Variants in STK39 observed in about 807,000 individuals in gnomAD.
STK39 encodes STE20/SPS1-related proline-alanine-rich protein kinase.
STK39 carries 20 observed loss-of-function variants against 77.8 expected under a neutral mutation model. The ratio of observed to expected loss-of-function variants is 0.26; its 90% confidence interval spans 0.18 to 0.37. STK39 has a LOEUF of 0.37. Ranked by LOEUF, STK39 falls within the 10% of genes least tolerant of loss-of-function variation. The pLI is 1.00. For synonymous variants in STK39, 246 were observed against 234.1 expected (o/e 1.05, Z -0.47); for missense variants, 479 against 656.5 (o/e 0.73, Z 2.95).
chr2:168,190,996 T>C (rs4667570), intron 1 of STK39, among the ~76,000 whole-genome samples: 66,842 of 152,052 alleles, frequency 0.44, 16,959 homozygotes, highest in East Asian at 0.77. Flanking sequence ...GGCCAAAAGG[T>C]ACAAGTGTCC....
At chr2:168,040,243 T>A (rs115863507) in intron 14 of STK39, among the ~76,000 whole-genome samples, 2 of 151,906 alleles carry the variant, frequency 1.3e-5, no homozygotes, top group Non-Finnish European at 2.9e-5. Context: ...TGGACAGATA[T>A]AGAAAAAATA....
At chr2:168,213,579 G>A (rs181995081) in intron 1 of STK39, among the ~76,000 whole-genome samples, 191 of 151,832 alleles carry the variant, frequency 1.3e-3, no homozygotes, top group African/African-American at 4.5e-3. Context: ...CCAGCTACTC[G>A]GGAGGCTGAG....
At chr2:167,988,563 A>G (rs1683617893) in intron 16 of STK39, among the ~76,000 whole-genome samples, 1 of 151,920 alleles carries the variant, frequency 6.6e-6, no homozygotes, top group Non-Finnish European at 1.5e-5. Flanking sequence ...TTTGAGGATT[A>G]TTTTGTTGTG....
chr2:168,045,915 A>G (rs561958395), intron 14 of STK39, among the ~76,000 whole-genome samples: 2 of 152,270 alleles, frequency 1.3e-5, no homozygotes, highest in Admixed American at 6.5e-5. Flanking sequence ...GAGGCTCCCC[A>G]CTACCAATAC....
At chr2:168,022,655 T>C (rs1484080262) in intron 14 of STK39, among the ~76,000 whole-genome samples, 2 of 152,226 alleles carry the variant, frequency 1.3e-5, no homozygotes, top group Admixed American at 6.5e-5. Flanking sequence ...ATTCAGTCTA[T>C]TACCATTCAT....
intron 6 of STK39, 95 bp downstream of exon 6, chr2:168,140,554 T>C (rs1687954231): frequency 8.3e-7 from 1 of 1,199,162 alleles, no homozygotes; most frequent in Non-Finnish European, 1.2e-6. Context: ...TTATGCATTC[T>C]ACTAAAATGC....
chr2:168,126,128 C>A (rs79056885), intron 10 of STK39, among the ~76,000 whole-genome samples: 1 of 152,264 alleles, frequency 6.6e-6, no homozygotes, highest in African/African-American at 2.4e-5. Flanking sequence ...AAGAGCCCTG[C>A]CCACAGGCCC....
At position 168,091,348 on chromosome 2, in the gene STK39, C is replaced by T. The variant is rs113883273; in HGVS notation, c.1090-16117G>A. 2.8e-3 allele frequency among the ~76,000 whole-genome samples: 421 copies of T among 152,328 alleles called. 1 individual carries two copies. The highest frequency in any genetic ancestry group is 9.3e-3 in the African/African-American group (388 of 41,552). ...TACTCCATCTCCACAGCTCACTCCACCCAAGTTATCTTCTCATGTCTCTCT... is the reference window on the plus strand; with the variant it reads ...TACTCCATCTCCACAGCTCACTCCATCCAAGTTATCTTCTCATGTCTCTCT... On this transcript the variant is annotated intron_variant, in intron 10 of 17. Transcript: ENST00000355999.
At chr2:168,225,702 A>G (rs994492494) in intron 1 of STK39, among the ~76,000 whole-genome samples, 3 of 152,232 alleles carry the variant, frequency 2.0e-5, no homozygotes, top group Non-Finnish European at 4.4e-5. Flanking sequence ...CAAAGAAAGT[A>G]CATTAGATCA....
intron 16 of STK39, among the ~76,000 whole-genome samples, chr2:167,989,422 A>T (rs2105279958): frequency 6.6e-6 from 1 of 152,272 alleles, no homozygotes. Context: ...TTCTCCAAAG[A>T]ACCAGTTGTA....
rs185803993 is a variant in STK39, at chr2:168,199,793, G to A, written c.209-17703C>T. ...CTCCCAAAGTGCTGGGATTACAGGC[G>A]TGAGCCACCGTGCCTGGCCATATTT... On this transcript the variant is annotated intron_variant, in intron 1 of 17. Transcript: ENST00000355999. Among the ~76,000 whole-genome samples the A allele has an allele frequency of 1.9e-3, 291 of 151,738 alleles. 2 individuals carry two copies. The highest frequency in any genetic ancestry group is 6.6e-3 in the African/African-American group (272 of 41,268).
intron 14 of STK39, among the ~76,000 whole-genome samples, chr2:168,028,233 G>A (rs1684750118): frequency 6.6e-6 from 1 of 152,066 alleles, no homozygotes; most frequent in Non-Finnish European, 1.5e-5. Context: ...GAATACACAT[G>A]TGCCTACCAT....
intron 14 of STK39, among the ~76,000 whole-genome samples, chr2:168,055,076 T>C (rs531324233): frequency 6.6e-6 from 1 of 152,296 alleles, no homozygotes; most frequent in African/African-American, 2.4e-5. Flanking sequence ...AGTAGTTTGC[T>C]GTGGAGGGAA....
intron 14 of STK39, among the ~76,000 whole-genome samples, chr2:168,042,917 T>C (rs1685145508): frequency 6.6e-6 from 1 of 152,152 alleles, no homozygotes; most frequent in African/African-American, 2.4e-5. Context: ...GGTCCATAGA[T>C]GGGTTTCTGG....
intron 14 of STK39, among the ~76,000 whole-genome samples, chr2:168,032,501 A>T (rs181097321): frequency 1.3e-5 from 2 of 152,354 alleles, no homozygotes; most frequent in African/African-American, 4.8e-5. Flanking sequence ...GGTTTCTTCA[A>T]TGACTGTCCT....
At chr2:168,205,361 C>T (rs780596376) in intron 1 of STK39, among the ~76,000 whole-genome samples, 1 of 152,146 alleles carries the variant, frequency 6.6e-6, no homozygotes, top group Non-Finnish European at 1.5e-5. Context: ...CTATGAGTGA[C>T]TTTTACTTTC....
rs577346232 is a variant in STK39 at position 168,039,365 on chromosome 2, G to C, written c.1377-22270C>G. ...CCCAGCACTTTGGGAGGCCGAGGCGGGTGGATCATGAGGTCAGGAGATCGA... is the reference window on the plus strand; with the variant it reads ...CCCAGCACTTTGGGAGGCCGAGGCGCGTGGATCATGAGGTCAGGAGATCGA... On this transcript the variant is annotated intron_variant, in intron 14 of 17. Transcript: ENST00000355999. Among the ~76,000 whole-genome samples, 2 of 79,944 alleles carry C rather than the reference G, an allele frequency of 2.5e-5. 1 individual carries two copies. Among genetic ancestry groups the C allele is most frequent in the East Asian group, 5.0e-4 (2 of 3,992 alleles). The allele number at this position is 79,944 out of a possible 152,430, so 52.4% of individuals were successfully genotyped here.
At chr2:168,107,844 G>T (rs1687018909) in intron 10 of STK39, among the ~76,000 whole-genome samples, 1 of 152,174 alleles carries the variant, frequency 6.6e-6, no homozygotes, top group African/African-American at 2.4e-5. Context: ...AATGTTTATA[G>T]TGTCCTAAAC....
At chr2:167,987,893 CAT>C (rs960770482) in intron 16 of STK39, among the ~76,000 whole-genome samples, 6 of 152,296 alleles carry the variant, frequency 3.9e-5, no homozygotes, top group South Asian at 4.1e-4. Context: ...TTAATGGTAA[CAT>C]ATTTACTGAG....
Sources: gnomAD v4.1 joint callset for allele counts (sites outside exome capture counted in the v4.1 genomes callset) on GRCh38, gnomAD v4.1.1 for gene constraint, MANE v1.5 for transcripts, NCBI Gene and HGNC (gene_info 2026-07-23, HGNC 2026-07-21) for gene names.